The following SLC25A21 variants were observed in gnomAD, a reference collection of about 807,000 sequenced individuals.
SLC25A21 encodes the protein mitochondrial 2-oxodicarboxylate carrier.
A neutral mutation model predicts 43.8 loss-of-function variants in SLC25A21; 47 were observed. The observed-to-expected ratio is 1.07, with a 90% CI of 0.85 to 1.37. The LOEUF is 1.37. Among genes scored for constraint, SLC25A21 ranks in the 40% most tolerant of loss-of-function variants. SLC25A21 has a pLI of 0.00. For missense variants in SLC25A21, 352 were observed against 350.2 expected (o/e 1.00, Z -0.04); for synonymous variants, 131 against 121.3 (o/e 1.08, Z -0.52).
intron 1 of SLC25A21, among the ~76,000 whole-genome samples, chr14:36,953,149 T>C (rs1474641052): frequency 1.3e-5 from 2 of 152,234 alleles, no homozygotes; most frequent in East Asian, 1.9e-4. Flanking sequence ...TAACAAGATG[T>C]ACTATAAGCT....
chr14:36,900,203 C>T (rs1452400930), intron 1 of SLC25A21, among the ~76,000 whole-genome samples: 4 of 151,934 alleles, frequency 2.6e-5, no homozygotes, highest in African/African-American at 9.7e-5. Context: ...CTTTATGATG[C>T]AAGAGGCAAG....
At chr14:37,162,965 G>A (rs1230868502) in intron 1 of SLC25A21, among the ~76,000 whole-genome samples, 16 of 152,116 alleles carry the variant, frequency 1.1e-4, no homozygotes, top group Non-Finnish European at 1.2e-4. Flanking sequence ...GCAGCCATAA[G>A]AAATGATAAG....
At chr14:36,889,072 T>C (rs1012873005) in intron 1 of SLC25A21, among the ~76,000 whole-genome samples, 1 of 152,236 alleles carries the variant, frequency 6.6e-6, no homozygotes. Flanking sequence ...TGAACTGTTA[T>C]TCTACACTGG....
At chr14:37,075,552 G>A (rs1412809677) in intron 1 of SLC25A21, among the ~76,000 whole-genome samples, 3 of 151,956 alleles carry the variant, frequency 2.0e-5, no homozygotes, top group East Asian at 3.9e-4. Flanking sequence ...GGGGAAGGAG[G>A]GACATCCACT....
At position 36,735,820 on chromosome 14, in the gene SLC25A21, T is replaced by A. The variant is rs1206190090; in HGVS notation, c.204-1247A>T. 2.8e-5 allele frequency among the ~76,000 whole-genome samples: 4 copies of A among 144,832 alleles called. No individual in the cohort carries two copies. The East Asian group carries it at 7.7e-4, about 28-fold the overall frequency. On this transcript the variant is annotated intron_variant, in intron 3 of 9. Coordinates refer to ENST00000331299, the MANE Select transcript of SLC25A21 (RefSeq NM_030631.4). ...GTTCTTATCCCAGAATCCTTTTTTT[T>A]TTTTTTTTTTGTATATAACCAGGAC...
intron 1 of SLC25A21, among the ~76,000 whole-genome samples, chr14:37,154,377 C>T (rs1393739047): frequency 6.6e-6 from 1 of 152,104 alleles, no homozygotes; most frequent in Non-Finnish European, 1.5e-5. Context: ...AAGAAGTCCT[C>T]TCCTACAAAA....
intron 1 of SLC25A21, among the ~76,000 whole-genome samples, chr14:37,034,789 T>A (rs1468218815): frequency 6.6e-6 from 1 of 152,056 alleles, no homozygotes; most frequent in Non-Finnish European, 1.5e-5. Flanking sequence ...AGGTGAAAAG[T>A]GGTAAGAAGC....
chr14:36,754,361 C>T (rs1432377970), intron 3 of SLC25A21, among the ~76,000 whole-genome samples: 2 of 152,066 alleles, frequency 1.3e-5, no homozygotes, highest in African/African-American at 4.8e-5. Context: ...AGACTGCAAA[C>T]CTACCACTCT....
chr14:37,108,147 T>C (rs1007939012), intron 1 of SLC25A21, among the ~76,000 whole-genome samples: 1 of 152,208 alleles, frequency 6.6e-6, no homozygotes, highest in Non-Finnish European at 1.5e-5. Context: ...TGTGGCAGTA[T>C]GTAGAAGAAT....
chr14:37,073,754 C>T (rs577422186), intron 1 of SLC25A21, among the ~76,000 whole-genome samples: 42 of 152,218 alleles, frequency 2.8e-4, no homozygotes, highest in Non-Finnish European at 4.1e-4. Context: ...CTGCCAGGCA[C>T]TCTGGTATCA....
chr14:36,894,482 C>A (rs1891179643), intron 1 of SLC25A21, among the ~76,000 whole-genome samples: 1 of 152,146 alleles, frequency 6.6e-6, no homozygotes, highest in Non-Finnish European at 1.5e-5. Flanking sequence ...ATGTCATCTG[C>A]AAACAGGGAC....
Position 36,775,764 on chromosome 14 carries a change from A to G in SLC25A21, c.203+38154T>C, listed in dbSNP as rs180785683. Among the ~76,000 whole-genome samples, 236 of 152,286 alleles carry G rather than the reference A, an allele frequency of 1.5e-3. 1 individual carries two copies. The highest frequency in any genetic ancestry group is 5.3e-3 in the African/African-American group (222 of 41,548). On this transcript the variant is annotated intron_variant, in intron 3 of 9. Transcript: ENST00000331299. ...AGTGACCTTTGTGCCAGTTGCCTAC[A>G]TTTAATGAGGATTTAAGTTCTTCCA...
At chr14:36,816,425 A>T (rs1888457652) in intron 2 of SLC25A21, among the ~76,000 whole-genome samples, 1 of 152,128 alleles carries the variant, frequency 6.6e-6, no homozygotes, top group African/African-American at 2.4e-5. Flanking sequence ...GAATACAACG[A>T]AAGGGGCAAG....
chr14:36,929,161 T>G lies in SLC25A21; in HGVS notation c.71-54157A>C, dbSNP rs1892216898. ...AAAAATAAATTGAAAAAAAATCATC[T>G]GCTCTGAACAACAAAGCACATACTG... On this transcript the variant is annotated intron_variant, in intron 1 of 9. Coordinates refer to ENST00000331299, the MANE Select transcript of SLC25A21 (RefSeq NM_030631.4). Among the ~76,000 whole-genome samples the G allele has an allele frequency of 2.0e-5, 3 of 152,164 alleles. No individual in the cohort carries two copies. The South Asian group carries it at 6.2e-4, about 32-fold the overall frequency.
At chr14:36,869,699 G>A (rs1268878229) in intron 2 of SLC25A21, among the ~76,000 whole-genome samples, 1 of 152,198 alleles carries the variant, frequency 6.6e-6, no homozygotes, top group African/African-American at 2.4e-5. Context: ...TGGAGGGTAG[G>A]AGAGTGGCCC....
Position 36,904,184 on chromosome 14 carries a change from G to A in SLC25A21, c.71-29180C>T, listed in dbSNP as rs148878949. On this transcript the variant is annotated intron_variant, in intron 1 of 9. Coordinates refer to ENST00000331299, the MANE Select transcript of SLC25A21 (RefSeq NM_030631.4). ...GGGGACGCTATAGGCTTAGCCAATG[G>A]GAAATCCCGACCCAGATTCAAAAAT... Among the ~76,000 whole-genome samples, 733 of 152,284 alleles carry A rather than the reference G, an allele frequency of 4.8e-3. 6 individuals carry two copies. Among genetic ancestry groups the A allele is most frequent in the Admixed American group, 9.7e-3 (149 of 15,284 alleles).
At chr14:36,909,364 G>T (rs848699) in intron 1 of SLC25A21, among the ~76,000 whole-genome samples, 2 of 152,016 alleles carry the variant, frequency 1.3e-5, no homozygotes, top group East Asian at 3.9e-4. Context: ...ACCCCAAGGA[G>T]CACCAATTCC....
At chr14:36,916,329 G>T (rs1891831485) in intron 1 of SLC25A21, among the ~76,000 whole-genome samples, 1 of 152,114 alleles carries the variant, frequency 6.6e-6, no homozygotes, top group African/African-American at 2.4e-5. Context: ...TTTATCCTTT[G>T]TCTTCTCAAA....
At chr14:36,836,227 C>G (rs550153698) in intron 2 of SLC25A21, among the ~76,000 whole-genome samples, 18 of 152,200 alleles carry the variant, frequency 1.2e-4, no homozygotes, top group Non-Finnish European at 2.2e-4. Context: ...CAAGTGAGAA[C>G]AGCTACTTCT....
Sources: gnomAD v4.1 joint callset for allele counts (sites outside exome capture counted in the v4.1 genomes callset) on GRCh38, gnomAD v4.1.1 for gene constraint, MANE v1.5 for transcripts, NCBI Gene and HGNC (gene_info 2026-07-23, HGNC 2026-07-21) for gene names.